Variants in PPCDC observed in about 807,000 individuals in gnomAD.
PPCDC encodes phosphopantothenoylcysteine decarboxylase.
A neutral mutation model predicts 20.7 loss-of-function variants in PPCDC; 20 were observed. The ratio of observed to expected loss-of-function variants is 0.97; its 90% CI spans 0.68 to 1.41. The LOEUF is 1.41. Ranked by LOEUF, PPCDC falls within the 40% of genes most tolerant of loss-of-function variation. PPCDC has a pLI of 0.00. For missense variants in PPCDC, 246 were observed against 263.8 expected (o/e 0.93, Z 0.47); for synonymous variants, 88 against 100.3 (o/e 0.88, Z 0.73).
chr15:75,044,264 G>A (rs541827291), intron 3 of PPCDC, 122 bp from the exon 4 acceptor site: 6 of 1,398,500 alleles, frequency 4.3e-6, no homozygotes, highest in South Asian at 2.4e-5. Context: ...AGGAGGGAAC[G>A]GAGGTTGGCC....
intron 2 of PPCDC, among the ~76,000 whole-genome samples, chr15:75,037,056 A>G (rs2066094116): frequency 6.6e-6 from 1 of 152,112 alleles, no homozygotes; most frequent in African/African-American, 2.4e-5. Context: ...AGCTGGGGAG[A>G]GTGGAGGACC....
rs1049888832 is a variant in PPCDC at position 75,028,506 on chromosome 15, C to T, written c.135+53C>T. The T allele has an allele frequency of 2.2e-5, 35 of 1,608,848 alleles. No individual in the cohort carries two copies. In the South Asian group the frequency reaches 3.6e-4, roughly 17 times the overall value. On this transcript the variant is annotated intron_variant, in intron 2 of 5. Transcript: ENST00000342932. ...CAGCCTCCGGCATGGGAGGCCGGTG[C>T]TCCCGGGGATGGCCCATTGCTCTGC...
intron 2 of PPCDC, among the ~76,000 whole-genome samples, chr15:75,031,260 G>A (rs904123342): frequency 1.3e-5 from 2 of 152,144 alleles, no homozygotes; most frequent in African/African-American, 4.8e-5. Context: ...GGATGCCGGG[G>A]GTTTTGTAGT....
chr15:75,042,096 T>A (rs1011681024), intron 2 of PPCDC, among the ~76,000 whole-genome samples: 3 of 152,200 alleles, frequency 2.0e-5, no homozygotes, highest in African/African-American at 7.2e-5. Flanking sequence ...GGCTCAAAAA[T>A]GTTAATAATC....
rs865977915 is a variant in PPCDC at position 75,049,328 on chromosome 15, T to C, written c.*93T>C. ...ATGTTGGCAAAATAGGAGGATACCCTCATTTGCTGAATGGGGGACCTGCTC... is the reference window on the plus strand; with the variant it reads ...ATGTTGGCAAAATAGGAGGATACCCCCATTTGCTGAATGGGGGACCTGCTC... On this transcript the variant is annotated 3_prime_UTR_variant, in exon 6 of 6. Coordinates refer to ENST00000342932, the MANE Select transcript of PPCDC (RefSeq NM_021823.5). The C allele has an allele frequency of 2.5e-6, 3 of 1,216,654 alleles. No individual in the cohort carries two copies. The highest frequency in any genetic ancestry group is 1.3e-5 in the South Asian group (1 of 75,368). 75.4% of individuals were successfully genotyped at this position (1,216,654 alleles called of 1,614,324 possible).
At chr15:75,044,075 G>A (rs1191038002) in intron 3 of PPCDC, among the ~76,000 whole-genome samples, 1 of 126,852 alleles carries the variant, frequency 7.9e-6, no homozygotes, top group East Asian at 2.3e-4. Flanking sequence ...CTTTCCACTG[G>A]CTTGGACAAC....
At chr15:75,031,945 A>G (rs563353004) in intron 2 of PPCDC, among the ~76,000 whole-genome samples, 1 of 152,250 alleles carries the variant, frequency 6.6e-6, no homozygotes, top group East Asian at 1.9e-4. Flanking sequence ...AACCTCTCAG[A>G]TAATAAAAGA....
chr15:75,029,202 G>C (rs2065992379), intron 2 of PPCDC, among the ~76,000 whole-genome samples: 1 of 152,178 alleles, frequency 6.6e-6, no homozygotes, highest in Non-Finnish European at 1.5e-5. Context: ...TAGGCTGGCT[G>C]CCCTCTCTGC....
intron 2 of PPCDC, 26 bp from the exon 3 acceptor site, chr15:75,043,415 C>G: frequency 2.5e-6 from 4 of 1,587,638 alleles, no homozygotes; most frequent in Non-Finnish European, 3.4e-6. Flanking sequence ...CCTCCCTCCC[C>G]GCCACCCCCT....
At position 75,044,474 on chromosome 15, in the gene PPCDC, C is replaced by G; in HGVS notation, c.320C>G (p.Thr107Ser). The stretch of plus-strand genomic sequence containing the variant: ...CTGGTGGCTCCTCTTGATGCCAACA[C>G]TCTGGGGAAGGTGGCCAGTGGCATC... ...LLLVAPLDAN[T>S]LGKVASGICD... The change falls in exon 4 of 6, where the codon ACT (threonine) becomes AGT (serine). Residue 107 changes from threonine (T) to serine (S), a missense_variant. Coordinates refer to ENST00000342932, the MANE Select transcript of PPCDC (RefSeq NM_021823.5). 6.2e-7 allele frequency: 1 copy of G among 1,614,214 alleles called. No homozygotes were observed. The highest frequency in any genetic ancestry group is 8.5e-7 in the Non-Finnish European group (1 of 1,180,022).
At chr15:75,040,950 G>A (rs1441955150) in intron 2 of PPCDC, among the ~76,000 whole-genome samples, 1 of 152,104 alleles carries the variant, frequency 6.6e-6, no homozygotes, top group Admixed American at 6.6e-5. Context: ...AGGCATGAGC[G>A]TAATCCCATT....
rs184319639 is a variant in PPCDC at position 75,027,280 on chromosome 15, G to A, written c.-72-967G>A. Reference sequence around the variant, plus strand: ...CCTTTGCATGGTGTTCTTTGTAATCGGTCCTCAGTGATGGTTGCTGATGAA... The same window carrying A: ...CCTTTGCATGGTGTTCTTTGTAATCAGTCCTCAGTGATGGTTGCTGATGAA... On this transcript the variant is annotated intron_variant, in intron 1 of 5. Transcript: ENST00000342932. Among the ~76,000 whole-genome samples, 822 of 152,220 alleles carry A rather than the reference G, an allele frequency of 5.4e-3. 5 individuals carry two copies. The highest frequency in any genetic ancestry group is 0.019 in the African/African-American group (788 of 41,530).
At chr15:75,029,085 A>T (rs2065990882) in intron 2 of PPCDC, among the ~76,000 whole-genome samples, 1 of 152,144 alleles carries the variant, frequency 6.6e-6, no homozygotes, top group South Asian at 2.1e-4. Flanking sequence ...TCAAGGCTTT[A>T]AACAGCGTGA....
chr15:75,045,830 C>T (rs1330267367), intron 4 of PPCDC, among the ~76,000 whole-genome samples: 1 of 146,626 alleles, frequency 6.8e-6, no homozygotes, highest in Non-Finnish European at 1.5e-5. Flanking sequence ...GCTGCGGTGC[C>T]CCTTGATTGT....
chr15:75,026,861 G>A (rs1294652904), intron 1 of PPCDC, among the ~76,000 whole-genome samples: 5 of 152,152 alleles, frequency 3.3e-5, no homozygotes, highest in African/African-American at 9.7e-5. Flanking sequence ...GCATTTTTCA[G>A]ATGAAGGGAC....
At position 75,030,041 on chromosome 15, in the gene PPCDC, C is replaced by T. The variant is rs529751858; in HGVS notation, c.135+1588C>T. Among the ~76,000 whole-genome samples, 323 of 152,294 alleles carry T rather than the reference C, an allele frequency of 2.1e-3. 1 individual carries two copies. The highest frequency in any genetic ancestry group is 7.1e-3 in the African/African-American group (294 of 41,570). On this transcript the variant is annotated intron_variant, in intron 2 of 5. Transcript: ENST00000342932. ...CCAGCCCACCCCAGGGCCTTTTAGC[C>T]TGGGCCCCATGGGATGGCAGGCCAT...
At chr15:75,046,653 G>A (rs1595914226) in intron 4 of PPCDC, among the ~76,000 whole-genome samples, 1 of 152,240 alleles carries the variant, frequency 6.6e-6, no homozygotes, top group Non-Finnish European at 1.5e-5. Flanking sequence ...TGAAGTGTGG[G>A]CATTGGTGGC....
chr15:75,037,754 G>T (rs77456790), intron 2 of PPCDC, among the ~76,000 whole-genome samples: 12,825 of 152,070 alleles, frequency 0.084, 1,190 homozygotes, highest in South Asian at 0.42. Flanking sequence ...TGTTGTTGTT[G>T]TTTTTAACAA....
intron 4 of PPCDC, among the ~76,000 whole-genome samples, chr15:75,045,351 T>G (rs1385490330): frequency 1.3e-5 from 2 of 152,198 alleles, no homozygotes; most frequent in Non-Finnish European, 2.9e-5. Flanking sequence ...GAAGGGAGTA[T>G]CCTCTGGTGA....
Sources: gnomAD v4.1 joint callset for allele counts (sites outside exome capture counted in the v4.1 genomes callset) on GRCh38, gnomAD v4.1.1 for gene constraint, MANE v1.5 for transcripts, NCBI Gene and HGNC (gene_info 2026-07-23, HGNC 2026-07-21) for gene names.